The following HHAT variants were observed in gnomAD, a reference collection of about 807,000 sequenced individuals.
The protein encoded by HHAT is hedgehog acyltransferase, also known as protein-cysteine N-palmitoyltransferase HHAT.
Under a neutral mutation model 70.8 loss-of-function variants are expected in HHAT, and 47 were observed. The ratio of observed to expected loss-of-function variants is 0.66; its 90% CI spans 0.53 to 0.85. HHAT has a LOEUF of 0.85. HHAT is among the 40% of genes least tolerant of loss of function. HHAT has a pLI of 0.00. For synonymous variants in HHAT, 228 were observed against 247.6 expected, an observed-to-expected ratio of 0.92 and a Z score of 0.74; for missense variants, 609 against 604.8, an observed-to-expected ratio of 1.01 and a Z score of -0.07.
chr1:210,373,896 AG>A (rs1382768668), intron 3 of HHAT, among the ~76,000 whole-genome samples: 1 of 152,236 alleles, frequency 6.6e-6, no homozygotes, highest in Non-Finnish European at 1.5e-5. Context: ...CCATCACTTA[AG>A]GGGGAGTCTC....
chr1:210,510,333 T>C (rs2094932305), intron 8 of HHAT, among the ~76,000 whole-genome samples: 1 of 152,138 alleles, frequency 6.6e-6, no homozygotes, highest in Non-Finnish European at 1.5e-5. Context: ...ATGAGAATGA[T>C]GGTGTTGGCA....
intron 9 of HHAT, among the ~76,000 whole-genome samples, chr1:210,551,752 T>C (rs980742368): frequency 1.3e-5 from 2 of 152,234 alleles, no homozygotes; most frequent in Admixed American, 1.3e-4. Flanking sequence ...CCCAGCCTGC[T>C]TTGGTAACCC....
At chr1:210,631,139 C>G (rs1558314273) in intron 11 of HHAT, 1 of 456,032 alleles carries the variant, frequency 2.2e-6, no homozygotes, top group Non-Finnish European at 4.4e-6. Context: ...GTATAGAAAA[C>G]ACCTCCGAAT....
chr1:210,550,657 A>G (rs2095520318), intron 9 of HHAT, among the ~76,000 whole-genome samples: 1 of 148,900 alleles, frequency 6.7e-6, no homozygotes, highest in African/African-American at 2.5e-5. Flanking sequence ...TGGCTTGCCT[A>G]ATCTACAGAA....
intron 9 of HHAT, among the ~76,000 whole-genome samples, chr1:210,526,443 C>T (rs1394767183): frequency 2.0e-5 from 3 of 149,682 alleles, no homozygotes; most frequent in African/African-American, 7.4e-5. Flanking sequence ...ACAGGGGGAG[C>T]GCATGATCTT....
intron 9 of HHAT, among the ~76,000 whole-genome samples, chr1:210,555,877 T>C (rs1285540642): frequency 6.6e-6 from 1 of 152,180 alleles, no homozygotes; most frequent in Non-Finnish European, 1.5e-5. Flanking sequence ...TGAGGAGAAG[T>C]GGGCCAGCTG....
At chr1:210,537,302 T>C (rs1157979226) in intron 9 of HHAT, among the ~76,000 whole-genome samples, 4 of 152,214 alleles carry the variant, frequency 2.6e-5, no homozygotes, top group Admixed American at 2.0e-4. Context: ...TCTTCTGCTG[T>C]CTGCCCGTCC....
At chr1:210,486,684 G>A (rs545916372) in intron 8 of HHAT, among the ~76,000 whole-genome samples, 1 of 152,250 alleles carries the variant, frequency 6.6e-6, no homozygotes, top group South Asian at 2.1e-4. Flanking sequence ...GACAGTTCAT[G>A]TCCAATAGTA....
intron 9 of HHAT, among the ~76,000 whole-genome samples, chr1:210,569,373 CAAAAAAAA>C (rs71146233): frequency 6.7e-4 from 19 of 28,342 alleles, no homozygotes; most frequent in East Asian, 1.5e-3. Context: ...GAGTCTGCCT[CAAAAAAAA>C]AAAAAAAAAA....
intron 9 of HHAT, among the ~76,000 whole-genome samples, chr1:210,544,574 T>C (rs1357118309): frequency 6.6e-6 from 1 of 152,004 alleles, no homozygotes; most frequent in Non-Finnish European, 1.5e-5. Flanking sequence ...GGTTTCATCA[T>C]GTTGGCCTGG....
At chr1:210,653,529 CAAAAA>C (rs35279362) in intron 11 of HHAT, among the ~76,000 whole-genome samples, 2 of 120,144 alleles carry the variant, frequency 1.7e-5, no homozygotes, top group Admixed American at 8.2e-5. Context: ...GACCCTGTCT[CAAAAA>C]AAAAAAAAAA....
intron 9 of HHAT, among the ~76,000 whole-genome samples, chr1:210,515,503 A>C (rs2095038414): frequency 6.6e-6 from 1 of 152,152 alleles, no homozygotes; most frequent in Admixed American, 6.5e-5. Context: ...CACGCCTGTA[A>C]TCCCAGCACT....
At chr1:210,482,588 C>T (rs569399972) in intron 8 of HHAT, among the ~76,000 whole-genome samples, 2 of 152,212 alleles carry the variant, frequency 1.3e-5, no homozygotes, top group Non-Finnish European at 2.9e-5. Context: ...AGCCACATCT[C>T]ATTCACCTTT....
intron 10 of HHAT, among the ~76,000 whole-genome samples, chr1:210,599,778 A>G (rs766188935): frequency 2.0e-5 from 3 of 152,094 alleles, no homozygotes; most frequent in Non-Finnish European, 2.9e-5. Context: ...TTTCTCCATA[A>G]AAACCTAACC....
chr1:210,416,586 A>G (rs1435478542), intron 6 of HHAT, among the ~76,000 whole-genome samples: 1 of 152,254 alleles, frequency 6.6e-6, no homozygotes, highest in Non-Finnish European at 1.5e-5. Flanking sequence ...TCTCTAAACA[A>G]CAGGCAGTGA....
chr1:210,533,517 A>G (rs889340187), intron 9 of HHAT, among the ~76,000 whole-genome samples: 4 of 152,166 alleles, frequency 2.6e-5, no homozygotes, highest in Non-Finnish European at 4.4e-5. Context: ...TCTTTTCATG[A>G]CTAAATATGT....
intron 10 of HHAT, among the ~76,000 whole-genome samples, chr1:210,622,493 G>A (rs1382684909): frequency 6.6e-6 from 1 of 152,180 alleles, no homozygotes; most frequent in Non-Finnish European, 1.5e-5. Flanking sequence ...GAACAGTCAG[G>A]ATAAAGGCTT....
At chr1:210,519,292 C>T (rs2095112065) in intron 9 of HHAT, among the ~76,000 whole-genome samples, 1 of 152,156 alleles carries the variant, frequency 6.6e-6, no homozygotes, top group Non-Finnish European at 1.5e-5. Flanking sequence ...TGGCTATTGT[C>T]AATAGTGCTG....
intron 3 of HHAT, among the ~76,000 whole-genome samples, chr1:210,375,995 G>A (rs900927645): frequency 1.3e-5 from 2 of 148,868 alleles, no homozygotes; most frequent in Non-Finnish European, 3.0e-5. Context: ...TTACAGGCAT[G>A]TGCCACCATG....
Sources: gnomAD v4.1 joint callset for allele counts (sites outside exome capture counted in the v4.1 genomes callset) on GRCh38, gnomAD v4.1.1 for gene constraint, MANE v1.5 for transcripts, NCBI Gene and HGNC (gene_info 2026-07-23, HGNC 2026-07-21) for gene names.